Variants in EIF2AK4 observed in about 807,000 individuals in gnomAD.
The protein encoded by EIF2AK4 is eIF-2-alpha kinase GCN2.
EIF2AK4 carries 139 observed loss-of-function variants against 211.1 expected under a neutral mutation model. That is an observed-to-expected ratio of 0.66 (90% CI 0.57 to 0.76). The LOEUF (loss-of-function observed/expected upper bound fraction) is 0.76. Among genes scored for constraint, EIF2AK4 ranks in the 30% least tolerant of loss-of-function variants. The pLI is 0.00. For missense variants in EIF2AK4, 1,664 were observed against 2,043.8 expected (o/e 0.81, Z 3.58); for synonymous variants, 710 against 751.3 (o/e 0.94, Z 0.90).
chr15:40,031,735 T>A (rs1274097145), intron 35 of EIF2AK4, among the ~76,000 whole-genome samples: 1 of 152,012 alleles, frequency 6.6e-6, no homozygotes, highest in East Asian at 1.9e-4. Flanking sequence ...AATCTTCTTT[T>A]TTTTTTTTGA....
At chr15:40,016,873 T>G (rs1195684009) in intron 28 of EIF2AK4, among the ~76,000 whole-genome samples, 1 of 152,262 alleles carries the variant, frequency 6.6e-6, no homozygotes, top group Non-Finnish European at 1.5e-5. Flanking sequence ...GTTCCTATCA[T>G]GAAGCAGTTC....
chr15:39,980,372 A>G (rs982568029), intron 13 of EIF2AK4, among the ~76,000 whole-genome samples: 1 of 152,276 alleles, frequency 6.6e-6, no homozygotes, highest in Non-Finnish European at 1.5e-5. Flanking sequence ...ATAAAAGTAC[A>G]TCATCAGAAT....
In EIF2AK4 at chr15:40,034,306, C is replaced by A; in HGVS notation, c.4774-20C>A. 1.9e-6 allele frequency: 3 copies of A among 1,603,604 alleles called. No individual in the cohort carries two copies. The highest frequency in any genetic ancestry group is 1.1e-5 in the South Asian group (1 of 90,524). On this transcript the variant is annotated intron_variant, in intron 37 of 38. Coordinates refer to ENST00000263791, the MANE Select transcript of EIF2AK4 (RefSeq NM_001013703.4). ...AAACCCTAGAGACCTGTTGTTAAGT[C>A]TTATCTATTTTTTTCCTAGTGGGAT...
intron 25 of EIF2AK4, among the ~76,000 whole-genome samples, chr15:40,009,405 GAT>G (rs1452800714): frequency 1.3e-5 from 2 of 151,470 alleles, no homozygotes; most frequent in Non-Finnish European, 2.9e-5. Flanking sequence ...GAGTACTTTG[GAT>G]ATATATAATA....
intron 33 of EIF2AK4, 45 bp downstream of exon 33, chr15:40,026,134 A>C (rs757642939): frequency 2.7e-6 from 4 of 1,489,572 alleles, no homozygotes; most frequent in Non-Finnish European, 3.7e-6. Context: ...TCAGTTACCT[A>C]TATGGAAACT....
intron 29 of EIF2AK4, among the ~76,000 whole-genome samples, chr15:40,018,108 A>G (rs1366912699): frequency 1.3e-5 from 2 of 152,148 alleles, no homozygotes; most frequent in Non-Finnish European, 1.5e-5. Context: ...CTTCTAATAC[A>G]TTGAGATCCA....
chr15:39,996,024 C>T (rs1369708462), intron 18 of EIF2AK4, among the ~76,000 whole-genome samples: 1 of 152,158 alleles, frequency 6.6e-6, no homozygotes, highest in African/African-American at 2.4e-5. Flanking sequence ...CCCCCAGTCC[C>T]CAGCCCCTGG....
intron 19 of EIF2AK4, among the ~76,000 whole-genome samples, chr15:39,998,066 C>T (rs973273179): frequency 1.2e-4 from 18 of 152,124 alleles, no homozygotes; most frequent in Non-Finnish European, 2.4e-4. Flanking sequence ...CAGCTGTGTT[C>T]GTAAAGTATA....
At chr15:39,949,326 T>A (rs1448067332) in intron 4 of EIF2AK4, 58 bp downstream of exon 4, 2 of 1,592,688 alleles carry the variant, frequency 1.3e-6, no homozygotes, top group Non-Finnish European at 1.7e-6. Context: ...TGCAAACTAC[T>A]GTAGGTTTTA....
intron 24 of EIF2AK4, among the ~76,000 whole-genome samples, chr15:40,007,289 C>T (rs1217951733): frequency 1.3e-5 from 2 of 152,140 alleles, no homozygotes; most frequent in Non-Finnish European, 2.9e-5. Flanking sequence ...CCGTCATGTT[C>T]CCACAGTCTA....
In EIF2AK4 at chr15:39,976,595, C is replaced by G. The variant is rs760005119; in HGVS notation, c.2000C>G (p.Thr667Arg). Residue 667 changes from threonine (T) to arginine (R), a missense_variant, in exon 12 of 39, where the codon ACG becomes AGG. Physicochemically the swap from Thr to Arg is moderately conservative, Grantham distance 71 (BLOSUM62 -1). This residue lies in a region of EIF2AK4 where 206 missense variants were observed against 201.9 expected (regional missense o/e 1.02). Transcript: ENST00000263791. ...ERHERPAGPGTPPPDSGPLAK... is the reference protein window; with the variant it reads ...ERHERPAGPGRPPPDSGPLAK... ...CACGAGCGGCCGGCGGGACCGGGGA[C>G]GCCGCCCCCGGACTCCGGGCCCCTG... 8 of 1,609,402 alleles carry G rather than the reference C, an allele frequency of 5.0e-6. No individual in the cohort carries two copies. The Admixed American group carries it at 1.2e-4, about 24-fold the overall frequency.
At chr15:40,013,300 A>AT (rs1271565901) in intron 27 of EIF2AK4, among the ~76,000 whole-genome samples, 5 of 151,096 alleles carry the variant, frequency 3.3e-5, no homozygotes, top group Non-Finnish European at 7.4e-5. Flanking sequence ...CTCCCACTTA[A>AT]TTTTTTTTTC....
chr15:40,035,061 GACT>G lies in EIF2AK4; in HGVS notation c.4933_4935del (p.Tyr1645del). 1 of 1,584,268 alleles carries G rather than the reference GACT, an allele frequency of 6.3e-7. No homozygotes were observed. Among genetic ancestry groups the G allele is most frequent in the Non-Finnish European group, 8.6e-7 (1 of 1,166,044 alleles). On this transcript the variant is annotated inframe_deletion, in exon 39 of 39. Transcript: ENST00000263791. The stretch of plus-strand genomic sequence containing the variant: ...GCTATTTCTGTACAGCTATAGAGAT[GACT>G]ACTACAGAATCTTATTTTAACCCTA...
At position 39,992,765 on chromosome 15, in the gene EIF2AK4, A is replaced by C; in HGVS notation, c.2687-4A>C. Reference sequence around the variant, plus strand: ...ACGTTTTCCCTCTGTTTTCCTCCACACAGGTCACTTAACTGGGATGGTTGG... The same window carrying C: ...ACGTTTTCCCTCTGTTTTCCTCCACCCAGGTCACTTAACTGGGATGGTTGG... On this transcript the variant is annotated splice_region_variant and splice_polypyrimidine_tract_variant and intron_variant, in intron 17 of 38. Transcript: ENST00000263791. The C allele has an allele frequency of 6.2e-7, 1 of 1,613,952 alleles. No individual in the cohort carries two copies. Among genetic ancestry groups the C allele is most frequent in the Non-Finnish European group, 8.5e-7 (1 of 1,179,890 alleles).
chr15:40,010,441 A>G (rs1156436709), intron 26 of EIF2AK4, among the ~76,000 whole-genome samples: 1 of 152,246 alleles, frequency 6.6e-6, no homozygotes, highest in Non-Finnish European at 1.5e-5. Context: ...ACATCATAGT[A>G]TTCATTACTT....
Position 39,934,300 on chromosome 15 carries a change from C to T in EIF2AK4, c.105C>T (p.Gly35=). Residue 35 remains glycine (G), a synonymous_variant, in exon 1 of 39, where the codon GGC becomes GGT. Coordinates refer to ENST00000263791, the MANE Select transcript of EIF2AK4 (RefSeq NM_001013703.4). ...HELQALEAIY[G]ADFQDLRPDA... is the part of the protein sequence containing the mutation. Reference sequence around the variant, plus strand: ...TACAGGCCCTGGAGGCCATTTACGGCGCGGACTTCCAAGACCTGCGGCCGG... The same window carrying T: ...TACAGGCCCTGGAGGCCATTTACGGTGCGGACTTCCAAGACCTGCGGCCGG... The T allele has an allele frequency of 1.2e-6, 2 of 1,612,034 alleles. No individual in the cohort carries two copies. Among genetic ancestry groups the T allele is most frequent in the South Asian group, 2.2e-5 (2 of 90,710 alleles).
At chr15:39,997,652 A>G (rs1299435536) in intron 19 of EIF2AK4, among the ~76,000 whole-genome samples, 1 of 152,246 alleles carries the variant, frequency 6.6e-6, no homozygotes, top group Admixed American at 6.5e-5. Flanking sequence ...TACCAAGACC[A>G]GAAGTTAAAA....
intron 31 of EIF2AK4, 25 bp from the exon 32 acceptor site, chr15:40,022,494 T>A (rs780247242): frequency 2.5e-6 from 4 of 1,599,592 alleles, no homozygotes; most frequent in Non-Finnish European, 3.4e-6. Flanking sequence ...GTGTTTATTT[T>A]CTTTACTATG....
intron 1 of EIF2AK4, among the ~76,000 whole-genome samples, chr15:39,938,868 T>C (rs1050970976): frequency 1.3e-5 from 2 of 152,264 alleles, no homozygotes; most frequent in Non-Finnish European, 2.9e-5. Context: ...ATACATATAA[T>C]ATGAACTACT....
Sources: gnomAD v4.1 joint callset for allele counts (sites outside exome capture counted in the v4.1 genomes callset) on GRCh38, gnomAD v4.1.1 for gene constraint, gnomAD v4.1.1 regional missense constraint, MANE v1.5 for transcripts, NCBI Gene and HGNC (gene_info 2026-07-23, HGNC 2026-07-21) for gene names.